The following ARL15 variants were observed in gnomAD, a reference collection of about 807,000 sequenced individuals.
ARL15 encodes ARF like GTPase 15.
A neutral mutation model predicts 25.2 loss-of-function variants in ARL15; 19 were observed. The observed-to-expected ratio is 0.75, with a 90% CI of 0.53 to 1.10. The LOEUF is 1.10. Among genes scored for constraint, ARL15 ranks in the 50% least tolerant of loss-of-function variants. The probability of loss-of-function intolerance (pLI) is 0.00; values close to 1 mark genes in which losing one functional copy is unlikely to be tolerated. For synonymous variants in ARL15, 94 were observed against 86.8 expected (o/e 1.08, Z -0.46); for missense variants, 220 against 246.0 (o/e 0.89, Z 0.71).
chr5:54,208,693 C>CA (rs1245303758), intron 1 of ARL15, among the ~76,000 whole-genome samples: 1 of 151,972 alleles, frequency 6.6e-6, no homozygotes, highest in Admixed American at 6.6e-5. Flanking sequence ...AGCAAAATCT[C>CA]AAAAAAACCG....
chr5:54,299,579 A>G (rs544771715), intron 1 of ARL15, among the ~76,000 whole-genome samples: 2 of 128,234 alleles, frequency 1.6e-5, no homozygotes, highest in East Asian at 2.7e-4. Context: ...AATGTTAGCT[A>G]TTAGCTTTTT....
chr5:54,298,398 C>T (rs1758524398), intron 1 of ARL15, among the ~76,000 whole-genome samples: 1 of 152,166 alleles, frequency 6.6e-6, no homozygotes, highest in South Asian at 2.1e-4. Context: ...CATCCTCGGC[C>T]CTCCGTCCTC....
At chr5:53,960,911 T>C (rs1433886467) in intron 4 of ARL15, among the ~76,000 whole-genome samples, 1 of 152,160 alleles carries the variant, frequency 6.6e-6, no homozygotes, top group Non-Finnish European at 1.5e-5. Context: ...TTTGTAACCT[T>C]CTCTAAAGCA....
At chr5:54,179,525 A>G (rs1409977403) in intron 1 of ARL15, among the ~76,000 whole-genome samples, 1 of 152,096 alleles carries the variant, frequency 6.6e-6, no homozygotes, top group Non-Finnish European at 1.5e-5. Flanking sequence ...GCTCTCTTGG[A>G]GTTAGAGAAG....
intron 4 of ARL15, among the ~76,000 whole-genome samples, chr5:54,060,985 G>A (rs1751044744): frequency 6.6e-6 from 1 of 152,184 alleles, no homozygotes; most frequent in African/African-American, 2.4e-5. Context: ...AGAAATTCAA[G>A]CCAGCTGCAG....
At chr5:54,117,672 A>C (rs1752946390) in intron 3 of ARL15, among the ~76,000 whole-genome samples, 5 of 152,148 alleles carry the variant, frequency 3.3e-5, no homozygotes. Context: ...GACAATAAGC[A>C]CTTGTACAAC....
chr5:54,029,722 G>A (rs1336264211), intron 4 of ARL15, among the ~76,000 whole-genome samples: 5 of 152,106 alleles, frequency 3.3e-5, no homozygotes, highest in African/African-American at 7.2e-5. Context: ...GGCTGGGCGC[G>A]GTGGCTCACG....
In ARL15 at chr5:54,303,210, A is replaced by C. The variant is rs980882462; in HGVS notation, c.48+7222T>G. ...GCAGTGCGTGGCAAAAGAACATAGC[A>C]CAGTCTCAGTACCTCTTCAAAAGAA... On this transcript the variant is annotated intron_variant, in intron 1 of 4. Coordinates refer to ENST00000504924, the MANE Select transcript of ARL15 (RefSeq NM_019087.3). Among the ~76,000 whole-genome samples the C allele has an allele frequency of 8.5e-5, 13 of 152,062 alleles. 1 individual carries two copies. The highest frequency in any genetic ancestry group is 8.5e-4 in the Admixed American group (13 of 15,270).
At chr5:54,126,858 T>C (rs941032141) in intron 3 of ARL15, among the ~76,000 whole-genome samples, 2 of 151,988 alleles carry the variant, frequency 1.3e-5, no homozygotes, top group Non-Finnish European at 2.9e-5. Context: ...TTTTATTTTA[T>C]TATTATTATA....
At chr5:53,924,882 A>G (rs147871928) in intron 4 of ARL15, among the ~76,000 whole-genome samples, 98 of 152,354 alleles carry the variant, frequency 6.4e-4, no homozygotes, top group African/African-American at 2.1e-3. Context: ...ATCAATATTT[A>G]TAAATTTACA....
At chr5:54,276,050 C>G (rs1757921412) in intron 1 of ARL15, among the ~76,000 whole-genome samples, 1 of 152,212 alleles carries the variant, frequency 6.6e-6, no homozygotes, top group Non-Finnish European at 1.5e-5. Flanking sequence ...ACCATCATGC[C>G]TGGCCAGCTT....
chr5:54,087,300 C>T lies in ARL15; in HGVS notation c.462+25902G>A, dbSNP rs1047987412. On this transcript the variant is annotated intron_variant, in intron 4 of 4. Transcript: ENST00000504924. ...CTGAGATCAAGCCACTGCACTCCAG[C>T]CTGGGCGACAGAGCGAGGCTCCATC... is the stretch of plus-strand genomic sequence containing the variant. 5.3e-5 allele frequency among the ~76,000 whole-genome samples: 8 copies of T among 152,008 alleles called. No individual in the cohort carries two copies. The South Asian group carries it at 1.2e-3, about 24-fold the overall frequency.
chr5:54,068,795 T>C (rs1012793286), intron 4 of ARL15, among the ~76,000 whole-genome samples: 1 of 152,184 alleles, frequency 6.6e-6, no homozygotes, highest in Non-Finnish European at 1.5e-5. Context: ...TTAATATTGG[T>C]TTTATTTGTT....
chr5:54,003,674 AT>A (rs1748923150), intron 4 of ARL15, among the ~76,000 whole-genome samples: 1 of 87,712 alleles, frequency 1.1e-5, no homozygotes, highest in African/African-American at 4.1e-5. Context: ...CTATCTATCT[AT>A]CTATCTATCT....
chr5:54,081,017 A>G (rs1579777543), intron 4 of ARL15, among the ~76,000 whole-genome samples: 1 of 152,150 alleles, frequency 6.6e-6, no homozygotes, highest in Non-Finnish European at 1.5e-5. Flanking sequence ...CATCAACCCT[A>G]TCAAATGAGG....
intron 4 of ARL15, among the ~76,000 whole-genome samples, chr5:54,053,874 A>C (rs1750775894): frequency 6.6e-6 from 1 of 152,200 alleles, no homozygotes; most frequent in African/African-American, 2.4e-5. Flanking sequence ...GCATACATAA[A>C]AACTAAGGAA....
At chr5:54,126,581 C>T (rs1300209729) in intron 3 of ARL15, among the ~76,000 whole-genome samples, 1 of 152,158 alleles carries the variant, frequency 6.6e-6, no homozygotes, top group Non-Finnish European at 1.5e-5. Context: ...GGAACTTGGT[C>T]CTCAATCCAA....
intron 1 of ARL15, among the ~76,000 whole-genome samples, chr5:54,270,214 G>C (rs936189129): frequency 1.2e-4 from 18 of 152,122 alleles, no homozygotes; most frequent in Admixed American, 3.3e-4. Flanking sequence ...AACTGAAAAT[G>C]GTTTGTTATC....
At chr5:53,901,433 C>A (rs1008031171) in intron 4 of ARL15, among the ~76,000 whole-genome samples, 2 of 152,010 alleles carry the variant, frequency 1.3e-5, no homozygotes, top group Non-Finnish European at 2.9e-5. Context: ...ATGTACTAGA[C>A]AGGAAAGGGA....
Sources: allele counts gnomAD v4.1 joint callset (sites outside exome capture counted in the v4.1 genomes callset), GRCh38; gene constraint gnomAD v4.1.1; transcripts MANE v1.5; gene names NCBI Gene and HGNC (gene_info 2026-07-23, HGNC 2026-07-21).